NAV3: variants seen among roughly 807,000 people sequenced by gnomAD.
The protein encoded by NAV3 is neuron navigator 3, also known as pore membrane and/or filament interacting like protein 1.
NAV3 carries 87 observed loss-of-function variants against 244.7 expected under a neutral mutation model. The observed-to-expected ratio is 0.36, with a 90% CI of 0.30 to 0.42. The LOEUF is 0.42. NAV3 is among the 20% of genes least tolerant of loss of function. The pLI is 1.00. For synonymous variants in NAV3, 1,126 were observed against 1,042.2 expected (o/e 1.08, Z -1.55); for missense variants, 2,663 against 2,893.3 (o/e 0.92, Z 1.83).
chr12:78,188,087 T>C (rs1357955652), intron 31 of NAV3, among the ~76,000 whole-genome samples, 161 bp from the exon 32 acceptor site: 2 of 151,962 alleles, frequency 1.3e-5, no homozygotes, highest in Admixed American at 1.3e-4. Context: ...ATATGTTTTA[T>C]GTTATATAAT....
intron 11 of NAV3, among the ~76,000 whole-genome samples, chr12:78,057,956 A>G (rs1883762753): frequency 6.6e-6 from 1 of 152,180 alleles, no homozygotes; most frequent in Admixed American, 6.5e-5. Context: ...TGTTATCAGC[A>G]TGGATTTTGT....
chr12:77,649,570 A>G (rs142840444), intron 2 of NAV3, among the ~76,000 whole-genome samples: 136 of 152,312 alleles, frequency 8.9e-4, no homozygotes, highest in African/African-American at 3.1e-3. Context: ...AGAGTAAATC[A>G]GAAATAGAAA....
In NAV3 at chr12:78,180,880, G is replaced by C; in HGVS notation, c.5527G>C (p.Glu1843Gln). ...TCCATCTTCATAACAGAATGAAATT[G>C]AAATACTGAAAGCTGAAAATGACCG... ...EAMNRMQNEIEILKAENDRLK... is the reference protein window; with the variant it reads ...EAMNRMQNEIQILKAENDRLK... Residue 1843 changes from glutamate to glutamine, a missense_variant, in exon 30 of 40, where the codon GAA (glutamate) becomes CAA (glutamine). Physicochemically the swap from Glu to Gln is conservative, Grantham distance 29. Around this residue, in one of 6 missense-constraint regions of NAV3, gnomAD observed 543 missense variants for 672.4 expected, o/e 0.81. Coordinates refer to ENST00000397909, the MANE Select transcript of NAV3 (RefSeq NM_001024383.2). 2 of 1,611,128 alleles carry C rather than the reference G, an allele frequency of 1.2e-6. No homozygotes were observed. Among genetic ancestry groups the C allele is most frequent in the Non-Finnish European group, 1.7e-6 (2 of 1,178,566 alleles).
intron 5 of NAV3, among the ~76,000 whole-genome samples, chr12:77,986,482 T>G (rs2247797): frequency 0.99 from 150,915 of 152,286 alleles, 74,789 homozygotes; most frequent in Middle Eastern, 1. Flanking sequence ...AGATTTTTTG[T>G]AAGAAGCTTG....
chr12:78,023,214 T>A (rs1403175204), intron 9 of NAV3, among the ~76,000 whole-genome samples: 1 of 152,184 alleles, frequency 6.6e-6, no homozygotes, highest in Non-Finnish European at 1.5e-5. Context: ...GAATTGCAAT[T>A]TTTTTGTGAA....
In NAV3 at chr12:77,909,047, A is replaced by G. The variant is rs564101552; in HGVS notation, c.244-31272A>G. Among the ~76,000 whole-genome samples the G allele has an allele frequency of 9.9e-5, 15 of 152,104 alleles. No homozygotes were observed. In the South Asian group the frequency reaches 2.7e-3, roughly 27 times the overall value. ...CAGTTTCTTCATCTGTACAGTGGGG[A>G]TAATAACGTTTGCTGATAGTTTTGT... On this transcript the variant is annotated intron_variant, in intron 1 of 39. Coordinates refer to ENST00000397909, the MANE Select transcript of NAV3 (RefSeq NM_001024383.2).
At chr12:77,650,080 C>T (rs942161602) in intron 2 of NAV3, among the ~76,000 whole-genome samples, 1 of 152,148 alleles carries the variant, frequency 6.6e-6, no homozygotes, top group African/African-American at 2.4e-5. Flanking sequence ...CCTTCTATTG[C>T]TCCCTCCTGT....
At chr12:77,692,439 A>C (rs1875077018) in intron 2 of NAV3, among the ~76,000 whole-genome samples, 1 of 152,058 alleles carries the variant, frequency 6.6e-6, no homozygotes, top group South Asian at 2.1e-4. Context: ...TCAGTTTGTC[A>C]ATCTGTAAGA....
At chr12:77,854,034 T>A (rs548975415) in intron 1 of NAV3, among the ~76,000 whole-genome samples, 1 of 152,318 alleles carries the variant, frequency 6.6e-6, no homozygotes, top group South Asian at 2.1e-4. Context: ...TACCAGTTGG[T>A]AGGAAAATGA....
At chr12:78,141,818 C>A (rs1479186445) in intron 20 of NAV3, among the ~76,000 whole-genome samples, 2 of 152,084 alleles carry the variant, frequency 1.3e-5, no homozygotes, top group Non-Finnish European at 2.9e-5. Flanking sequence ...TCCTGTTGGG[C>A]CAGCACTGCC....
At chr12:77,910,119 T>C (rs1886425834) in intron 1 of NAV3, among the ~76,000 whole-genome samples, 1 of 152,140 alleles carries the variant, frequency 6.6e-6, no homozygotes, top group South Asian at 2.1e-4. Context: ...TATTTCATTT[T>C]ACATTGTTAT....
chr12:78,146,663 A>T (rs1430445294), intron 21 of NAV3, among the ~76,000 whole-genome samples: 2 of 152,122 alleles, frequency 1.3e-5, no homozygotes, highest in African/African-American at 2.4e-5. Context: ...GCACTCATTA[A>T]GTCATTGATA....
chr12:77,789,508 TAAAA>T (rs36070299), intron 2 of NAV3, among the ~76,000 whole-genome samples: 2 of 146,902 alleles, frequency 1.4e-5, no homozygotes, highest in Non-Finnish European at 3.0e-5. Flanking sequence ...GCTAATGAGC[TAAAA>T]AAAAAAAAAA....
At chr12:77,832,442 C>T (rs1028947564) in intron 1 of NAV3, among the ~76,000 whole-genome samples, 8 of 152,052 alleles carry the variant, frequency 5.3e-5, no homozygotes, top group African/African-American at 9.7e-5. Context: ...CCTTGATAAG[C>T]GTCACTTTTG....
intron 9 of NAV3, among the ~76,000 whole-genome samples, chr12:78,043,574 C>T (rs1462424072): frequency 6.6e-6 from 1 of 152,016 alleles, no homozygotes; most frequent in Admixed American, 6.6e-5. Context: ...CCTATTTCTC[C>T]ACAACCTCTC....
chr12:77,810,142 G>A (rs1025290360), intron 2 of NAV3, among the ~76,000 whole-genome samples: 1 of 151,908 alleles, frequency 6.6e-6, no homozygotes, highest in African/African-American at 2.4e-5. Context: ...ACATTTTTTT[G>A]TACAAGACCC....
intron 2 of NAV3, among the ~76,000 whole-genome samples, chr12:77,821,762 T>C (rs774761122): frequency 6.6e-6 from 1 of 152,176 alleles, no homozygotes; most frequent in Non-Finnish European, 1.5e-5. Flanking sequence ...ATCTCAACAT[T>C]TTTGGCCGCA....
At chr12:77,722,247 C>T (rs1876670758) in intron 2 of NAV3, among the ~76,000 whole-genome samples, 1 of 152,036 alleles carries the variant, frequency 6.6e-6, no homozygotes, top group Non-Finnish European at 1.5e-5. Context: ...ACACTGTGTA[C>T]TGGGCTGTGA....
chr12:77,936,018 C>A (rs902306480), intron 1 of NAV3, among the ~76,000 whole-genome samples: 5 of 152,158 alleles, frequency 3.3e-5, no homozygotes, highest in African/African-American at 1.2e-4. Context: ...GGACACAGAG[C>A]TAAACCGTAT....
Sources: allele counts gnomAD v4.1 joint callset (sites outside exome capture counted in the v4.1 genomes callset), GRCh38; gene constraint gnomAD v4.1.1; regional missense constraint gnomAD v4.1.1; transcripts MANE v1.5; gene names NCBI Gene and HGNC (gene_info 2026-07-23, HGNC 2026-07-21).